ZFR: variants seen among roughly 807,000 people sequenced by gnomAD.
ZFR encodes the protein zinc finger RNA-binding protein.
Under a neutral mutation model 130.7 loss-of-function variants are expected in ZFR, and 19 were observed. The observed-to-expected ratio is 0.15, with a 90% CI of 0.10 to 0.21. ZFR has a LOEUF of 0.21. Among genes scored for constraint, ZFR ranks in the 10% least tolerant of loss-of-function variants. The probability of loss-of-function intolerance (pLI) is 1.00; values close to 1 mark genes in which losing one functional copy is unlikely to be tolerated. For missense variants in ZFR, 872 were observed against 1,321.5 expected (o/e 0.66, Z 5.27); for synonymous variants, 466 against 456.9 (o/e 1.02, Z -0.25).
intron 5 of ZFR, among the ~76,000 whole-genome samples, chr5:32,410,079 T>C (rs1055839092): frequency 2.6e-5 from 4 of 152,136 alleles, no homozygotes; most frequent in Admixed American, 1.3e-4. Context: ...GTCAGGCTCG[T>C]GGAACACTTG....
intron 2 of ZFR, among the ~76,000 whole-genome samples, chr5:32,441,927 C>T (rs1026880903): frequency 1.4e-5 from 2 of 145,664 alleles, no homozygotes; most frequent in Admixed American, 7.0e-5. Context: ...ATTGTTGTTA[C>T]AGTTTAAACT....
chr5:32,381,507 C>T (rs925737484), intron 15 of ZFR, among the ~76,000 whole-genome samples: 2 of 151,464 alleles, frequency 1.3e-5, no homozygotes, highest in African/African-American at 2.4e-5. Flanking sequence ...GTTTAATAAT[C>T]GAATATATAA....
intron 2 of ZFR, among the ~76,000 whole-genome samples, chr5:32,431,721 C>A (rs958880730): frequency 1.3e-5 from 2 of 148,216 alleles, no homozygotes; most frequent in African/African-American, 5.0e-5. Context: ...TTTTATGTAT[C>A]TACGAAACTA....
intron 13 of ZFR, 52 bp from the exon 14 acceptor site, chr5:32,387,751 T>C (rs773863048): frequency 3.9e-6 from 6 of 1,531,538 alleles, no homozygotes; most frequent in Non-Finnish European, 1.8e-6. Flanking sequence ...ACCAGAAGCA[T>C]GATATTCTGT....
chr5:32,359,327 C>T (rs946733836), intron 19 of ZFR, among the ~76,000 whole-genome samples: 14 of 151,674 alleles, frequency 9.2e-5, no homozygotes, highest in African/African-American at 2.9e-4. Flanking sequence ...TCTTTTTAGC[C>T]CATCAACTAT....
At position 32,403,146 on chromosome 5, in the gene ZFR, C is replaced by T; in HGVS notation, c.1476G>A (p.Met492Ile). 2 of 1,614,044 alleles carry T rather than the reference C, an allele frequency of 1.2e-6. No homozygotes were observed. The highest frequency in any genetic ancestry group is 1.3e-5 in the African/African-American group (1 of 75,004). The change falls in exon 8 of 20, where the codon ATG becomes ATA. Residue 492 changes from methionine (M) to isoleucine (I), a missense_variant. Transcript: ENST00000265069. ...NTKVSAVPTNMAAKKTSTPKI... is the reference protein window; with the variant it reads ...NTKVSAVPTNIAAKKTSTPKI... ...TGGGGGTAGATGTTTTCTTGGCAGC[C>T]ATATTTGTAGGCACTGCTGATACTT...
chr5:32,411,551 T>A (rs1753708588), intron 5 of ZFR, among the ~76,000 whole-genome samples: 1 of 151,546 alleles, frequency 6.6e-6, no homozygotes, highest in Admixed American at 6.6e-5. Flanking sequence ...GAGCCAGGTA[T>A]GGTGGTACAC....
Position 32,417,516 on chromosome 5 carries a change from C to T in ZFR, c.565+132G>A, listed in dbSNP as rs773001364. 39 of 1,038,072 alleles carry T rather than the reference C, an allele frequency of 3.8e-5. 1 individual carries two copies. Among genetic ancestry groups the T allele is most frequent in the Non-Finnish European group, 5.0e-5 (36 of 719,812 alleles). 64.3% of individuals were successfully genotyped at this position (1,038,072 alleles called of 1,614,324 possible). On this transcript the variant is annotated intron_variant, in intron 4 of 19. Transcript: ENST00000265069. ...TGTGACTCCAAGGCATTTAGTAGGA[C>T]AGGTCTAGAACCTGCCTCCTAAGAT... is the stretch of plus-strand genomic sequence containing the variant.
chr5:32,398,355 T>C (rs1753367130), intron 9 of ZFR, among the ~76,000 whole-genome samples: 2 of 152,316 alleles, frequency 1.3e-5, no homozygotes, highest in East Asian at 3.9e-4. Context: ...TATGTAACTT[T>C]ATGGAAAATT....
chr5:32,385,781 T>C (rs1230561106), intron 14 of ZFR, 132 bp from the exon 15 acceptor site: 2 of 906,124 alleles, frequency 2.2e-6, no homozygotes, highest in Non-Finnish European at 3.3e-6. Context: ...TACTGCTCCT[T>C]CTAGGAAGCC....
At chr5:32,439,596 C>A (rs1428082848) in intron 2 of ZFR, among the ~76,000 whole-genome samples, 1 of 151,972 alleles carries the variant, frequency 6.6e-6, no homozygotes, top group Non-Finnish European at 1.5e-5. Flanking sequence ...CCACTTACTG[C>A]TATGTCCAAG....
At chr5:32,368,963 T>C (rs1024757226) in intron 17 of ZFR, among the ~76,000 whole-genome samples, 1 of 127,116 alleles carries the variant, frequency 7.9e-6, no homozygotes, top group Non-Finnish European at 1.8e-5. Context: ...TATTGACACA[T>C]GCACAACAGA....
intron 11 of ZFR, 34 bp downstream of exon 11, chr5:32,395,125 C>T: frequency 6.5e-7 from 1 of 1,546,472 alleles, no homozygotes; most frequent in Non-Finnish European, 8.7e-7. Context: ...AAGGCTGAAC[C>T]ACTTACCAGG....
chr5:32,403,826 T>C, intron 7 of ZFR, 80 bp downstream of exon 7: 1 of 1,393,480 alleles, frequency 7.2e-7, no homozygotes. Flanking sequence ...AACTTTGAAG[T>C]TACCTTTACC....
chr5:32,363,863 T>A (rs1458836423), intron 19 of ZFR, 85 bp downstream of exon 19: 7 of 1,130,576 alleles, frequency 6.2e-6, no homozygotes, highest in Non-Finnish European at 8.9e-6. Context: ...ATATAGTGAC[T>A]TATAATATTC....
chr5:32,441,076 C>T (rs1381918786), intron 2 of ZFR, among the ~76,000 whole-genome samples: 3 of 152,108 alleles, frequency 2.0e-5, no homozygotes, highest in Non-Finnish European at 4.4e-5. Flanking sequence ...CCGGTTCAAG[C>T]GATTCTCCTG....
intron 8 of ZFR, 65 bp downstream of exon 8, chr5:32,403,041 T>C: frequency 1.3e-6 from 2 of 1,514,018 alleles, no homozygotes; most frequent in Non-Finnish European, 1.8e-6. Flanking sequence ...GAAGGGTTAG[T>C]GCTGCAATGG....
chr5:32,444,087 G>A, intron 2 of ZFR, 142 bp downstream of exon 2: 3 of 680,724 alleles, frequency 4.4e-6, no homozygotes, highest in Non-Finnish European at 1.9e-6. Flanking sequence ...GGGCGGGAGA[G>A]GCCGCCGGGC....
chr5:32,361,905 C>T (rs1379058824), intron 19 of ZFR, among the ~76,000 whole-genome samples: 1 of 152,124 alleles, frequency 6.6e-6, no homozygotes, highest in African/African-American at 2.4e-5. Context: ...GAAGCCACTG[C>T]ACCCGGCCCA....
Sources: allele counts gnomAD v4.1 joint callset (sites outside exome capture counted in the v4.1 genomes callset), GRCh38; gene constraint gnomAD v4.1.1; transcripts MANE v1.5; gene names NCBI Gene and HGNC (gene_info 2026-07-23, HGNC 2026-07-21).